RORC: variants seen among roughly 807,000 people sequenced by gnomAD.
RORC encodes RAR related orphan receptor C, also known as nuclear receptor ROR-gamma.
RORC carries 13 observed loss-of-function variants against 64.5 expected under a neutral mutation model. That is an observed-to-expected ratio of 0.20 (90% CI 0.13 to 0.32). The LOEUF is 0.32. Ranked by LOEUF, RORC falls within the 10% of genes least tolerant of loss-of-function variation. The pLI is 1.00. For synonymous variants in RORC, 277 were observed against 259.3 expected (o/e 1.07, Z -0.65); for missense variants, 468 against 669.5 (o/e 0.70, Z 3.32).
At chr1:151,829,034 T>C (rs1037721505) in intron 2 of RORC, among the ~76,000 whole-genome samples, 1 of 150,204 alleles carries the variant, frequency 6.7e-6, no homozygotes, top group Non-Finnish European at 1.5e-5. Context: ...GCAGCAGCGC[T>C]GAGTTCCTGA....
rs750089872 is a variant in RORC at position 151,831,765 on chromosome 1, G to T, written c.-1C>A. ...GCTGTCTCTGTGGGGCCCTGTCCAT[G>T]GGGCAGCTCCCTTGGTGCCGTCCTG... On this transcript the variant is annotated 5_prime_UTR_variant, in exon 1 of 11. Coordinates refer to ENST00000318247, the MANE Select transcript of RORC (RefSeq NM_005060.4). 6.2e-7 allele frequency: 1 copy of T among 1,609,020 alleles called. No homozygotes were observed. The highest frequency in any genetic ancestry group is 1.7e-5 in the Admixed American group (1 of 60,004).
chr1:151,831,487 C>G (rs111510377), intron 1 of RORC, among the ~76,000 whole-genome samples: 2,452 of 152,268 alleles, frequency 0.016, 67 homozygotes, highest in African/African-American at 0.054. Context: ...CTTCCTTCTC[C>G]CGCTTCTCCC....
chr1:151,829,074 C>T (rs1652305376), intron 2 of RORC, among the ~76,000 whole-genome samples: 1 of 151,530 alleles, frequency 6.6e-6, no homozygotes, highest in African/African-American at 2.4e-5. Context: ...CTCCGCACAC[C>T]CCCCTACCTC....
rs1490294201 is a variant in RORC at position 151,807,763 on chromosome 1, C to G, written c.1396-130G>C. 10 of 879,134 alleles carry G rather than the reference C, an allele frequency of 1.1e-5. No individual in the cohort carries two copies. Among genetic ancestry groups the G allele is most frequent in the South Asian group, 1.8e-5 (1 of 57,024 alleles). The allele number at this position is 879,134 out of a possible 1,614,324, so 54.5% of individuals were successfully genotyped here. ...CCCTTATGTACTTGGCACTTTGGCA[C>G]CAGCCAAATCCCACTGGTAGAAGTA... On this transcript the variant is annotated intron_variant, in intron 10 of 10. Transcript: ENST00000318247. This position sits in a 1 kb window ranked among gnomAD's most constrained non-coding sequence, Gnocchi z 5.0.
chr1:151,817,316 G>T, intron 2 of RORC, 36 bp from the exon 3 acceptor site: 1 of 1,503,440 alleles, frequency 6.7e-7, no homozygotes, highest in Non-Finnish European at 9.3e-7. Flanking sequence ...CAGCCCAGGA[G>T]GCTTTTCTGC....
At chr1:151,821,657 C>T (rs1572043134) in intron 2 of RORC, among the ~76,000 whole-genome samples, 2 of 152,262 alleles carry the variant, frequency 1.3e-5, no homozygotes, top group Middle Eastern at 6.8e-3. Context: ...GGCATTTGAA[C>T]CTAGATCTCT....
Position 151,807,760 on chromosome 1 carries a change from G to A in RORC, c.1396-127C>T. 1.0e-6 allele frequency: 1 copy of A among 965,276 alleles called. No homozygotes were observed. Among genetic ancestry groups the A allele is most frequent in the South Asian group, 1.7e-5 (1 of 59,088 alleles). 59.8% of individuals were successfully genotyped at this position (965,276 alleles called of 1,614,324 possible). On this transcript the variant is annotated intron_variant, in intron 10 of 10. Transcript: ENST00000318247. The surrounding 1 kb of genome is among the most constrained non-coding windows in gnomAD (Gnocchi z 5.0). ...TTCCCCTTATGTACTTGGCACTTTG[G>A]CACCAGCCAAATCCCACTGGTAGAA...
chr1:151,807,726 C>T lies in RORC; in HGVS notation c.1396-93G>A. ...CATTCTTCCTGGGCTAGGACAAACC[C>T]TCCTTGCCTTCCCCTTATGTACTTG... On this transcript the variant is annotated intron_variant, in intron 10 of 10. Coordinates refer to ENST00000318247, the MANE Select transcript of RORC (RefSeq NM_005060.4). The surrounding 1 kb of genome is among the most constrained non-coding windows in gnomAD (Gnocchi z 5.0). The T allele has an allele frequency of 7.3e-7, 1 of 1,364,980 alleles. No individual in the cohort carries two copies. The highest frequency in any genetic ancestry group is 2.0e-5 in the Admixed American group (1 of 50,420). The allele number at this position is 1,364,980 out of a possible 1,614,324, so 84.6% of individuals were successfully genotyped here.
chr1:151,823,391 G>C (rs1013489400), intron 2 of RORC, among the ~76,000 whole-genome samples: 5 of 152,162 alleles, frequency 3.3e-5, no homozygotes, highest in Admixed American at 3.3e-4. Flanking sequence ...GCTACCCTCC[G>C]TCTGGCTGGC....
At chr1:151,825,912 G>A in intron 2 of RORC, 2 of 1,613,636 alleles carry the variant, frequency 1.2e-6, no homozygotes, top group South Asian at 1.1e-5. Flanking sequence ...CCGCCCCCAG[G>A]TGGCCCCATT....
intron 2 of RORC, among the ~76,000 whole-genome samples, chr1:151,818,250 A>T (rs548908207): frequency 2.0e-5 from 3 of 152,248 alleles, no homozygotes; most frequent in African/African-American, 7.2e-5. Context: ...GGCATGTTTG[A>T]AGGTGTGCTT....
At chr1:151,820,198 A>T (rs1651932414) in intron 2 of RORC, among the ~76,000 whole-genome samples, 1 of 151,776 alleles carries the variant, frequency 6.6e-6, no homozygotes, top group Non-Finnish European at 1.5e-5. Context: ...GAAAGAAAGT[A>T]CCAGTGCTGT....
At chr1:151,809,092 C>T (rs938741278) in intron 10 of RORC, among the ~76,000 whole-genome samples, 21 of 152,176 alleles carry the variant, frequency 1.4e-4, no homozygotes, top group Admixed American at 1.2e-3. Context: ...CAGGCAGCTA[C>T]AGGAGGGCTG....
chr1:151,823,395 G>A (rs1652069190), intron 2 of RORC, among the ~76,000 whole-genome samples: 1 of 152,202 alleles, frequency 6.6e-6, no homozygotes, highest in Non-Finnish European at 1.5e-5. Context: ...CCCTCCGTCT[G>A]GCTGGCTGGG....
At chr1:151,831,502 T>C (rs772878519) in intron 1 of RORC, 66 of 317,066 alleles carry the variant, frequency 2.1e-4, no homozygotes, top group Non-Finnish European at 2.9e-4. Flanking sequence ...TCTCCCTTTC[T>C]TTCCTGTTTC....
At chr1:151,814,799 C>G (rs1651690859) in intron 5 of RORC, 104 bp from the exon 6 acceptor site, 1 of 1,542,602 alleles carries the variant, frequency 6.5e-7, no homozygotes. Context: ...CCTCCTCCCT[C>G]CGCCCCTCGT....
intron 10 of RORC, among the ~76,000 whole-genome samples, chr1:151,809,459 T>G (rs541294475): frequency 1.8e-3 from 268 of 152,012 alleles, no homozygotes; most frequent in African/African-American, 6.2e-3. Flanking sequence ...GAGTAGGGCA[T>G]GATGAGATTG....
chr1:151,819,263 G>A (rs767712924), intron 2 of RORC, among the ~76,000 whole-genome samples: 31 of 152,164 alleles, frequency 2.0e-4, no homozygotes, highest in African/African-American at 2.9e-4. Context: ...CTAGACCTAC[G>A]TTTTCTTGTC....
chr1:151,819,819 T>C (rs1231465399), intron 2 of RORC, among the ~76,000 whole-genome samples: 1 of 151,978 alleles, frequency 6.6e-6, no homozygotes, highest in Non-Finnish European at 1.5e-5. Flanking sequence ...CCTTCGCAAA[T>C]ACCCATGTTT....
Sources: allele counts gnomAD v4.1 joint callset (sites outside exome capture counted in the v4.1 genomes callset), GRCh38; gene constraint gnomAD v4.1.1; non-coding constraint Gnocchi (gnomAD v3.1); transcripts MANE v1.5; gene names NCBI Gene and HGNC (gene_info 2026-07-23, HGNC 2026-07-21).